AJAP1: variants seen among roughly 807,000 people sequenced by gnomAD.
The protein encoded by AJAP1 is adherens junctions associated protein 1, also known as adherens junction-associated protein 1.
A neutral mutation model predicts 35.0 loss-of-function variants in AJAP1; 5 were observed. The ratio of observed to expected loss-of-function variants is 0.14; its 90% CI spans 0.07 to 0.30. AJAP1 has a LOEUF of 0.30. Ranked by LOEUF, AJAP1 falls within the 10% of genes least tolerant of loss-of-function variation. The pLI is 1.00. For synonymous variants in AJAP1, 284 were observed against 249.3 expected, an observed-to-expected ratio of 1.14 and a Z score of -1.31; for missense variants, 586 against 571.0, an observed-to-expected ratio of 1.03 and a Z score of -0.27.
At chr1:4,760,474 T>C (rs151236403) in intron 2 of AJAP1, among the ~76,000 whole-genome samples, 7 of 152,290 alleles carry the variant, frequency 4.6e-5, no homozygotes, top group African/African-American at 1.2e-4. Context: ...GGGTTTCTGC[T>C]TCTTCCAGCA....
At chr1:4,728,760 C>T (rs1448814512) in intron 2 of AJAP1, among the ~76,000 whole-genome samples, 1 of 152,242 alleles carries the variant, frequency 6.6e-6, no homozygotes, top group Non-Finnish European at 1.5e-5. Context: ...GCCCCAGCTC[C>T]TCAGAGGACA....
At position 4,707,974 on chromosome 1, in the gene AJAP1, G is replaced by GTTT. The variant is rs765313378; in HGVS notation, c.30-3916_30-3914dup. 3.7e-4 allele frequency among the ~76,000 whole-genome samples: 50 copies of GTTT among 134,768 alleles called. 1 individual carries two copies. Among genetic ancestry groups the GTTT allele is most frequent in the South Asian group, 1.7e-3 (7 of 4,082 alleles). 88.4% of individuals were successfully genotyped at this position (134,768 alleles called of 152,430 possible). On this transcript the variant is annotated intron_variant, in intron 1 of 5. Transcript: ENST00000378191. ...GATGTGGGCGGTACGTTTTTTTTTT[G>GTTT]TTTTTTTTTTTTGAGACGCAGTCTC...
rs547042845 is a variant in AJAP1, at chr1:4,757,410, G to A, written c.830-12443G>A. Among the ~76,000 whole-genome samples, 40 of 152,316 alleles carry A rather than the reference G, an allele frequency of 2.6e-4. 1 individual carries two copies. The Middle Eastern group carries it at 0.017, about 65-fold the overall frequency. On this transcript the variant is annotated intron_variant, in intron 2 of 5. Coordinates refer to ENST00000378191, the MANE Select transcript of AJAP1 (RefSeq NM_018836.4). ...TGGCCCATGGGTCTCTCAGTCTCCC[G>A]TGGGCTGGGCTGGGCATGTTCTCAC... is the stretch of plus-strand genomic sequence containing the variant.
At chr1:4,779,622 T>G (rs918095075) in intron 5 of AJAP1, among the ~76,000 whole-genome samples, 39 of 152,006 alleles carry the variant, frequency 2.6e-4, no homozygotes, top group Admixed American at 5.2e-4. Context: ...CTTATTAAGG[T>G]GGCAGCCATA....
intron 1 of AJAP1, among the ~76,000 whole-genome samples, chr1:4,681,778 G>A (rs1639488735): frequency 1.3e-5 from 2 of 152,126 alleles, no homozygotes; most frequent in South Asian, 4.2e-4. Context: ...ACATGCTTGG[G>A]GTCAGACAGA....
chr1:4,729,310 G>A (rs531680117), intron 2 of AJAP1, among the ~76,000 whole-genome samples: 2 of 152,060 alleles, frequency 1.3e-5, no homozygotes, highest in South Asian at 2.1e-4. Context: ...CTCCTCCTGC[G>A]AGTGCAGACC....
intron 2 of AJAP1, among the ~76,000 whole-genome samples, chr1:4,767,216 C>G (rs1022813438): frequency 3.3e-5 from 5 of 152,200 alleles, no homozygotes; most frequent in Admixed American, 2.6e-4. Context: ...ACATTATCAT[C>G]AGCATCACCT....
chr1:4,726,118 G>T (rs373540937), intron 2 of AJAP1, among the ~76,000 whole-genome samples: 1 of 152,198 alleles, frequency 6.6e-6, no homozygotes, highest in Non-Finnish European at 1.5e-5. Context: ...GAGCTCCATC[G>T]CCAGCCCCGC....
intron 2 of AJAP1, among the ~76,000 whole-genome samples, chr1:4,764,582 T>A (rs556264486): frequency 6.6e-6 from 1 of 152,364 alleles, no homozygotes; most frequent in East Asian, 1.9e-4. Flanking sequence ...AATTGGCACT[T>A]TGAGTCCCAA....
At chr1:4,764,500 C>A (rs1487761303) in intron 2 of AJAP1, among the ~76,000 whole-genome samples, 1 of 152,182 alleles carries the variant, frequency 6.6e-6, no homozygotes, top group Non-Finnish European at 1.5e-5. Flanking sequence ...CCCAGAGACT[C>A]TTTTTCAAGG....
intron 1 of AJAP1, among the ~76,000 whole-genome samples, chr1:4,685,156 G>T (rs139789926): frequency 6.6e-6 from 1 of 152,254 alleles, no homozygotes; most frequent in East Asian, 1.9e-4. Context: ...GAAATGCAGC[G>T]ATGGTGCATG....
chr1:4,735,403 G>T (rs538525445), intron 2 of AJAP1, among the ~76,000 whole-genome samples: 9 of 152,280 alleles, frequency 5.9e-5, no homozygotes, highest in Non-Finnish European at 1.3e-4. Context: ...ACCAATTTGG[G>T]CCCCAGGTTT....
chr1:4,779,639 A>T (rs1174391998), intron 5 of AJAP1, among the ~76,000 whole-genome samples: 1 of 152,116 alleles, frequency 6.6e-6, no homozygotes, highest in East Asian at 1.9e-4. Flanking sequence ...CATATGACTT[A>T]CGGTCCAACC....
chr1:4,689,425 C>A (rs1639685187), intron 1 of AJAP1, among the ~76,000 whole-genome samples: 1 of 152,164 alleles, frequency 6.6e-6, no homozygotes, highest in Non-Finnish European at 1.5e-5. Flanking sequence ...GCCAGGAACG[C>A]AAGGCCCAGG....
intron 2 of AJAP1, among the ~76,000 whole-genome samples, chr1:4,764,984 T>C (rs1363275223): frequency 6.6e-6 from 1 of 152,188 alleles, no homozygotes; most frequent in Non-Finnish European, 1.5e-5. Flanking sequence ...AAAAGCCCTA[T>C]TGATTGATGC....
At chr1:4,761,652 G>T (rs369180068) in intron 2 of AJAP1, among the ~76,000 whole-genome samples, 477 of 152,300 alleles carry the variant, frequency 3.1e-3, no homozygotes, top group African/African-American at 0.011. Flanking sequence ...TGACTCGCAC[G>T]TTCACAAGAT....
chr1:4,696,359 A>G (rs1639858550), intron 1 of AJAP1, among the ~76,000 whole-genome samples: 1 of 152,304 alleles, frequency 6.6e-6, no homozygotes, highest in Middle Eastern at 3.4e-3. Context: ...TCTCAGGAAC[A>G]GCTTCCGGAT....
At chr1:4,730,586 C>T (rs1274445637) in intron 2 of AJAP1, among the ~76,000 whole-genome samples, 2 of 152,234 alleles carry the variant, frequency 1.3e-5, no homozygotes, top group African/African-American at 2.4e-5. Context: ...TATCAGGAAC[C>T]TCTGCGGGGC....
intron 1 of AJAP1, among the ~76,000 whole-genome samples, chr1:4,686,098 G>A (rs1436764490): frequency 6.6e-6 from 1 of 152,222 alleles, no homozygotes; most frequent in Non-Finnish European, 1.5e-5. Flanking sequence ...TGCCAGGCAC[G>A]AGACAGCTGA....
Sources: allele counts gnomAD v4.1 joint callset (sites outside exome capture counted in the v4.1 genomes callset), GRCh38; gene constraint gnomAD v4.1.1; transcripts MANE v1.5; gene names NCBI Gene and HGNC (gene_info 2026-07-23, HGNC 2026-07-21).